The following RP1 variants were observed in gnomAD, a reference collection of about 807,000 sequenced individuals.
The protein encoded by RP1 is oxygen-regulated protein 1.
In RP1, 16 loss-of-function variants were observed where a neutral mutation model predicts 14.8. That is an observed-to-expected ratio of 1.08 (90% CI 0.73 to 1.65). The LOEUF (loss-of-function observed/expected upper bound fraction) is 1.65. Among genes scored for constraint, RP1 ranks in the 40% most tolerant of loss-of-function variants. The pLI, the probability that RP1 is intolerant of heterozygous loss-of-function variation, is 0.00. For missense variants in RP1, 2,631 were observed against 2,535.0 expected, an observed-to-expected ratio of 1.04 and a Z score of -0.81; for synonymous variants, 876 against 883.6, an observed-to-expected ratio of 0.99 and a Z score of 0.15.
rs1307229166 is a variant in RP1, at chr8:54,627,510, G to T, written c.3628G>T (p.Ala1210Ser). ...EQDMVPIDLS[A>S]NCSTVNIQSV... Reference sequence around the variant, plus strand: ...AGACATGGTTCCAATAGATCTTTCTGCAAATTGTTCCACGGTCAACATTCA... The same window carrying T: ...AGACATGGTTCCAATAGATCTTTCTTCAAATTGTTCCACGGTCAACATTCA... The change falls in exon 4 of 4, where the codon GCA (alanine) becomes TCA (serine). Residue 1210 changes from alanine (A) to serine (S), a missense_variant. Coordinates refer to ENST00000220676, the MANE Select transcript of RP1 (RefSeq NM_006269.2). 1.2e-6 allele frequency: 2 copies of T among 1,614,028 alleles called. No homozygotes were observed. The highest frequency in any genetic ancestry group is 2.7e-5 in the African/African-American group (2 of 74,928).
At chr8:54,566,488 G>A (rs1484857959) in intron 1 of RP1, among the ~76,000 whole-genome samples, 1 of 152,182 alleles carries the variant, frequency 6.6e-6, no homozygotes, top group African/African-American at 2.4e-5. Context: ...GGACCTCACA[G>A]GGTAAAGCCC....
chr8:54,681,054 A>G (rs895521411), intron 12 of RP1, among the ~76,000 whole-genome samples: 2 of 152,046 alleles, frequency 1.3e-5, no homozygotes, highest in Admixed American at 1.3e-4. Context: ...CATTTTCCTT[A>G]CCTCGGCAAA....
intron 23 of RP1, among the ~76,000 whole-genome samples, chr8:54,779,705 A>G (rs985819192): frequency 6.6e-6 from 1 of 152,220 alleles, no homozygotes; most frequent in African/African-American, 2.4e-5. Context: ...ATAAGAAAAC[A>G]TTGGGAAGGA....
At chr8:54,834,589 A>G (rs1811613055) in intron 24 of RP1, among the ~76,000 whole-genome samples, 1 of 151,952 alleles carries the variant, frequency 6.6e-6, no homozygotes, top group Admixed American at 6.6e-5. Flanking sequence ...CAGTTCTTTA[A>G]TAAGAAATTT....
intron 27 of RP1, chr8:54,857,154 A>G: frequency 1.3e-6 from 1 of 783,012 alleles, no homozygotes; most frequent in Non-Finnish European, 1.7e-6. Context: ...AATTTATGAA[A>G]AATCGTATAA....
chr8:54,580,567 A>C (rs1398192897), intron 1 of RP1, among the ~76,000 whole-genome samples: 3 of 151,540 alleles, frequency 2.0e-5, no homozygotes, highest in Non-Finnish European at 2.9e-5. Context: ...AGCCTCCCAA[A>C]GTGCTGGGAT....
At chr8:54,848,694 T>TA (rs1208007508) in intron 25 of RP1, among the ~76,000 whole-genome samples, 2 of 152,308 alleles carry the variant, frequency 1.3e-5, no homozygotes, top group East Asian at 1.9e-4. Context: ...TTTAAAGAGA[T>TA]AAAAAAAGTT....
At position 54,593,716 on chromosome 8, in the gene RP1, G is replaced by A. The variant is rs117582356; in HGVS notation, c.-12-27239G>A. The stretch of plus-strand genomic sequence containing the variant: ...CTGCTTGGCTGTAAAGGGTAGGGCC[G>A]TCAATGACCACTCAGTCTGAACTTG... On this transcript the variant is annotated intron_variant, in intron 1 of 22. Coordinates refer to the RP1 transcript ENST00000636932. Among the ~76,000 whole-genome samples, 63 of 152,300 alleles carry A rather than the reference G, an allele frequency of 4.1e-4. 1 individual carries two copies. In the East Asian group the frequency reaches 9.9e-3, roughly 24 times the overall value.
intron 6 of RP1, among the ~76,000 whole-genome samples, chr8:54,658,866 G>C (rs1270781210): frequency 6.9e-6 from 1 of 145,452 alleles, no homozygotes; most frequent in Non-Finnish European, 1.5e-5. Flanking sequence ...CAATTTCTCT[G>C]CATTCTCCCC....
At chr8:54,846,408 C>T (rs115491849) in intron 25 of RP1, among the ~76,000 whole-genome samples, 268 of 152,328 alleles carry the variant, frequency 1.8e-3, no homozygotes, top group African/African-American at 5.9e-3. Context: ...TTATAGTCTA[C>T]AGCCCTTCCT....
chr8:54,638,033 A>G (rs1218840849), intron 3 of RP1, among the ~76,000 whole-genome samples: 1 of 152,064 alleles, frequency 6.6e-6, no homozygotes, highest in African/African-American at 2.4e-5. Flanking sequence ...TGTCATCCTG[A>G]GCTATCCCTC....
chr8:54,663,725 A>G (rs1806948287), exon 7 of RP1: 2 of 1,530,944 alleles, frequency 1.3e-6, no homozygotes, highest in African/African-American at 1.4e-5. Flanking sequence ...GAATGTGGCA[A>G]CGGGTGAGCT....
chr8:54,837,264 A>G (rs534432932), intron 24 of RP1, among the ~76,000 whole-genome samples: 1 of 152,380 alleles, frequency 6.6e-6, no homozygotes, highest in South Asian at 2.1e-4. Flanking sequence ...TGGTTTTTCC[A>G]TGGTCAATGG....
intron 24 of RP1, among the ~76,000 whole-genome samples, chr8:54,827,535 G>T (rs1013847542): frequency 6.6e-6 from 1 of 152,080 alleles, no homozygotes; most frequent in African/African-American, 2.4e-5. Context: ...TAACCATGTT[G>T]CCTAGGCTGG....
intron 22 of RP1, among the ~76,000 whole-genome samples, chr8:54,765,092 A>T (rs1364466822): frequency 6.6e-6 from 1 of 152,240 alleles, no homozygotes; most frequent in Non-Finnish European, 1.5e-5. Context: ...CTGCAGCCTC[A>T]CACACCAGCA....
intron 15 of RP1, among the ~76,000 whole-genome samples, chr8:54,716,311 T>C (rs1264466510): frequency 6.6e-6 from 1 of 152,218 alleles, no homozygotes; most frequent in African/African-American, 2.4e-5. Context: ...TCTATCTAGT[T>C]GAAAGATTAG....
intron 1 of RP1, among the ~76,000 whole-genome samples, chr8:54,586,221 G>T (rs548500268): frequency 2.0e-5 from 3 of 152,302 alleles, no homozygotes; most frequent in Admixed American, 6.5e-5. Context: ...TAACAGTCAG[G>T]ACCCTCAGCT....
At chr8:54,649,137 G>A in exon 4 of RP1, 1 of 1,495,850 alleles carries the variant, frequency 6.7e-7, no homozygotes, top group Non-Finnish European at 8.8e-7. Flanking sequence ...TGGCCATGAA[G>A]ACATATTTAC....
intron 23 of RP1, among the ~76,000 whole-genome samples, chr8:54,781,888 A>G (rs1216120021): frequency 6.6e-6 from 1 of 152,154 alleles, no homozygotes; most frequent in Non-Finnish European, 1.5e-5. Context: ...ACACAGACAT[A>G]TTATATGAAT....
Sources: allele counts gnomAD v4.1 joint callset (sites outside exome capture counted in the v4.1 genomes callset), GRCh38; gene constraint gnomAD v4.1.1; transcripts MANE v1.5; gene names NCBI Gene and HGNC (gene_info 2026-07-23, HGNC 2026-07-21).